Variants in DBNL observed in about 807,000 individuals in gnomAD.
DBNL encodes the protein drebrin-like protein.
Under a neutral mutation model 62.2 loss-of-function variants are expected in DBNL, and 35 were observed. The observed-to-expected ratio is 0.56, with a 90% CI of 0.43 to 0.75. The LOEUF is 0.75. DBNL is among the 30% of genes least tolerant of loss of function. DBNL has a pLI of 0.00. For missense variants in DBNL, 495 were observed against 578.4 expected, an observed-to-expected ratio of 0.86 and a Z score of 1.48; for synonymous variants, 197 against 218.0, an observed-to-expected ratio of 0.90 and a Z score of 0.85.
At position 44,062,110 on chromosome 7, in the gene DBNL, T is replaced by C. The variant is rs187413744; in HGVS notation, c.*1194T>C. 4 of 158,562 alleles carry C rather than the reference T, an allele frequency of 2.5e-5. No homozygotes were observed. The highest frequency in any genetic ancestry group is 5.6e-5 in the Non-Finnish European group (4 of 71,210). 9.8% of individuals were successfully genotyped at this position (158,562 alleles called of 1,614,324 possible). A position where few individuals can be genotyped will look rare whatever the true frequency, so the allele number is the denominator to read the frequency against. On this transcript the variant is annotated 3_prime_UTR_variant, in exon 13 of 13. Coordinates refer to ENST00000448521, the MANE Select transcript of DBNL (RefSeq NM_001014436.3). ...AGACTGCTAGGCGGTTGACTCAAGG[T>C]GTTACCTGCTAGTGCCTGGGGTGAA... is the stretch of plus-strand genomic sequence containing the variant.
At position 44,066,010 on chromosome 7, in the gene DBNL, AGAG is replaced by A. The variant is rs1158099701; in HGVS notation, c.*5101_*5103del. On this transcript the variant is annotated 3_prime_UTR_variant, in exon 13 of 13. Transcript: ENST00000448521. Reference sequence around the variant, plus strand: ...GGCTAGGAGGCGGCCCTCAGCAGGCAGAGGAGGAGAGCCAGAGGAGCTGGTGCA... The same window carrying A: ...GGCTAGGAGGCGGCCCTCAGCAGGCAGAGGAGAGCCAGAGGAGCTGGTGCA... 3 of 269,804 alleles carry A rather than the reference AGAG, an allele frequency of 1.1e-5. No homozygotes were observed. The highest frequency in any genetic ancestry group is 2.2e-5 in the African/African-American group (1 of 45,708). The allele number at this position is 269,804 out of a possible 1,614,324, so 16.7% of individuals were successfully genotyped here. A position where few individuals can be genotyped will look rare whatever the true frequency, so the allele number is the denominator to read the frequency against.
rs771491870 is a variant in DBNL, at chr7:44,044,769, C to G, written c.32C>G (p.Ala11Gly). Residue 11 changes from alanine (A) to glycine (G), a missense_variant, in exon 1 of 13, where the codon GCG becomes GGG. Transcript: ENST00000448521. MAANLSRNGP[A>G]LQEAYVRVVT... Reference sequence around the variant, plus strand: ...GCGAACCTGAGCCGGAACGGGCCAGCGCTGCAAGAGGCCTACGTGCGGGTG... The same window carrying G: ...GCGAACCTGAGCCGGAACGGGCCAGGGCTGCAAGAGGCCTACGTGCGGGTG... 8 of 1,507,486 alleles carry G rather than the reference C, an allele frequency of 5.3e-6. No homozygotes were observed. The South Asian group carries it at 9.8e-5, about 19-fold the overall frequency. 93.4% of individuals were successfully genotyped at this position (1,507,486 alleles called of 1,614,324 possible).
intron 4 of DBNL, among the ~76,000 whole-genome samples, chr7:44,056,327 G>A (rs2096136196): frequency 6.6e-6 from 1 of 152,206 alleles, no homozygotes; most frequent in Non-Finnish European, 1.5e-5. Flanking sequence ...AAATCAGGTA[G>A]CATGAAGCCT....
In DBNL at chr7:44,062,078, G is replaced by A; in HGVS notation, c.*1162G>A. ...TAGGTCCCTCCTGTGCCCCAGAGCT[G>A]CTAGGCAGACTGCTAGGCGGTTGAC... is the stretch of plus-strand genomic sequence containing the variant. On this transcript the variant is annotated 3_prime_UTR_variant, in exon 13 of 13. Coordinates refer to ENST00000448521, the MANE Select transcript of DBNL (RefSeq NM_001014436.3). The A allele has an allele frequency of 6.4e-6, 1 of 156,158 alleles. No homozygotes were observed. Among genetic ancestry groups the A allele is most frequent in the Non-Finnish European group, 1.4e-5 (1 of 70,254 alleles). 9.7% of individuals were successfully genotyped at this position (156,158 alleles called of 1,614,324 possible). A position where few individuals can be genotyped will look rare whatever the true frequency, so the allele number is the denominator to read the frequency against.
Position 44,056,104 on chromosome 7 carries a change from TGAA to T in DBNL, c.328-650_328-648del, listed in dbSNP as rs577368706. Among the ~76,000 whole-genome samples, 250 of 152,356 alleles carry T rather than the reference TGAA, an allele frequency of 1.6e-3. 2 individuals are homozygous for T. Among genetic ancestry groups the T allele is most frequent in the Non-Finnish European group, 3.0e-3 (203 of 68,034 alleles). On this transcript the variant is annotated intron_variant, in intron 4 of 12. Transcript: ENST00000448521. ...AGTTTTTTTTTAATATGGTAAAAGA[TGAA>T]GATTTAGTTTCATTCTTCTGCATAT... is the stretch of plus-strand genomic sequence containing the variant.
At chr7:44,050,166 G>A (rs761016070) in intron 1 of DBNL, 59 bp from the exon 2 acceptor site, 57 of 1,577,732 alleles carry the variant, frequency 3.6e-5, no homozygotes, top group East Asian at 4.5e-5. Context: ...TGGTGGATAC[G>A]GTGAGGAGAG....
At position 44,063,029 on chromosome 7, in the gene DBNL, T is replaced by G; in HGVS notation, c.*2113T>G. 1 of 1,281,766 alleles carries G rather than the reference T, an allele frequency of 7.8e-7. No homozygotes were observed. Among genetic ancestry groups the G allele is most frequent in the African/African-American group, 1.5e-5 (1 of 68,612 alleles). 79.4% of individuals were successfully genotyped at this position (1,281,766 alleles called of 1,614,324 possible). On this transcript the variant is annotated 3_prime_UTR_variant, in exon 13 of 13. Coordinates refer to ENST00000448521, the MANE Select transcript of DBNL (RefSeq NM_001014436.3). The stretch of plus-strand genomic sequence containing the variant: ...TTATGGTCCACAGAGCCAGTTCCCC[T>G]GGCACCAATTCCTTCCCAGCCCTGA...
Position 44,064,793 on chromosome 7 carries a change from G to GGCCCCCCCCCCAC in DBNL, c.*3877_*3878insGCCCCCCCCCCAC. On this transcript the variant is annotated 3_prime_UTR_variant, in exon 13 of 13. Coordinates refer to ENST00000448521, the MANE Select transcript of DBNL (RefSeq NM_001014436.3). Reference sequence around the variant, plus strand: ...AGATGAGAAGCCAGCTGGGGCTGCTGCCCACCCACCCTGCCCAGGCTCCTG... The same window carrying GGCCCCCCCCCCAC: ...AGATGAGAAGCCAGCTGGGGCTGCTGGCCCCCCCCCCACCCCACCCACCCTGCCCAGGCTCCTG... 2.6e-6 allele frequency: 3 copies of GGCCCCCCCCCCAC among 1,136,974 alleles called. No individual in the cohort carries two copies. The highest frequency in any genetic ancestry group is 3.9e-6 in the Non-Finnish European group (3 of 773,394). The allele number at this position is 1,136,974 out of a possible 1,614,324, so 70.4% of individuals were successfully genotyped here. A position where few individuals can be genotyped will look rare whatever the true frequency, so the allele number is the denominator to read the frequency against.
chr7:44,053,033 C>A, intron 4 of DBNL, 92 bp downstream of exon 4: 1 of 1,489,190 alleles, frequency 6.7e-7, no homozygotes, highest in Non-Finnish European at 9.1e-7. Flanking sequence ...GGAATCAGAA[C>A]TGGAGTTGGG....
In DBNL at chr7:44,059,418, G is replaced by A. The variant is rs1292212374; in HGVS notation, c.900G>A (p.Glu300=). The A allele has an allele frequency of 2.5e-6, 4 of 1,614,122 alleles. No homozygotes were observed. The highest frequency in any genetic ancestry group is 1.3e-5 in the African/African-American group (1 of 75,054). ...LTQPETHFGR[E]PAAAISRPRA... ...AACCAGAGACCCACTTTGGCAGAGA[G>A]CCAGCTGCTGCCATCTCAAGGCCCA... The change falls in exon 10 of 13, where the codon GAG becomes GAA. Residue 300 remains glutamate, a synonymous_variant. Coordinates refer to ENST00000448521, the MANE Select transcript of DBNL (RefSeq NM_001014436.3). The surrounding 1 kb of genome is among the most constrained non-coding windows in gnomAD (Gnocchi z 4.1).
rs752801449 is a variant in DBNL, at chr7:44,057,851, A to G, written c.544A>G (p.Lys182Glu). The change falls in exon 6 of 13, where the codon AAA becomes GAA. Residue 182 changes from lysine (K) to glutamate (E), a missense_variant. By Grantham distance (56) the Lys-to-Glu change is moderately conservative. Coordinates refer to ENST00000448521, the MANE Select transcript of DBNL (RefSeq NM_001014436.3). The stretch of plus-strand genomic sequence containing the variant: ...GGTTGGTAAAGACAGCTTCTGGGCC[A>G]AAGCAGAGGTGAGTGCTGCCCCGGG... ...KRVGKDSFWA[K>E]AEKEEENRRL... 5 of 1,614,200 alleles carry G rather than the reference A, an allele frequency of 3.1e-6. No homozygotes were observed. Among genetic ancestry groups the G allele is most frequent in the Non-Finnish European group, 4.2e-6 (5 of 1,180,034 alleles).
rs1231913641 is a variant in DBNL at position 44,063,024 on chromosome 7, T to C, written c.*2108T>C. 7.4e-7 allele frequency: 1 copy of C among 1,342,372 alleles called. No homozygotes were observed. Among genetic ancestry groups the C allele is most frequent in the Non-Finnish European group, 1.1e-6 (1 of 936,000 alleles). The allele number at this position is 1,342,372 out of a possible 1,614,324, so 83.2% of individuals were successfully genotyped here. ...GACCTTTATGGTCCACAGAGCCAGT[T>C]CCCCTGGCACCAATTCCTTCCCAGC... On this transcript the variant is annotated 3_prime_UTR_variant, in exon 13 of 13. Transcript: ENST00000448521.
rs6463215 is a variant in DBNL at position 44,063,264 on chromosome 7, T to A, written c.*2348T>A. On this transcript the variant is annotated 3_prime_UTR_variant, in exon 13 of 13. Coordinates refer to ENST00000448521, the MANE Select transcript of DBNL (RefSeq NM_001014436.3). ...GTCAGGAAGGGACACTCACCCTTTG[T>A]TTTTTTTTTTTCTTTTCTTTTTCTT... 3.4e-6 allele frequency: 1 copy of A among 294,296 alleles called. No individual in the cohort carries two copies. Among genetic ancestry groups the A allele is most frequent in the East Asian group, 8.1e-5 (1 of 12,336 alleles). 18.2% of individuals were successfully genotyped at this position (294,296 alleles called of 1,614,324 possible).
intron 1 of DBNL, among the ~76,000 whole-genome samples, chr7:44,049,170 T>A (rs2096122182): frequency 6.6e-6 from 1 of 152,130 alleles, no homozygotes; most frequent in Non-Finnish European, 1.5e-5. Flanking sequence ...TCTGTTCTTT[T>A]TTTTGAGATG....
At position 44,064,794 on chromosome 7, in the gene DBNL, CCCA is replaced by C; in HGVS notation, c.*3881_*3883del. 1 of 526,668 alleles carries C rather than the reference CCCA, an allele frequency of 1.9e-6. No individual in the cohort carries two copies. 32.6% of individuals were successfully genotyped at this position (526,668 alleles called of 1,614,324 possible). On this transcript the variant is annotated 3_prime_UTR_variant, in exon 13 of 13. Transcript: ENST00000448521. ...GATGAGAAGCCAGCTGGGGCTGCTG[CCCA>C]CCCACCCTGCCCAGGCTCCTGAAGG...
intron 8 of DBNL, 145 bp downstream of exon 8, chr7:44,058,625 G>T (rs544054063): frequency 7.7e-6 from 9 of 1,167,254 alleles, no homozygotes; most frequent in Admixed American, 4.8e-5. Flanking sequence ...ACCTCAAGAG[G>T]TGGCAGTAGA....
rs371897495 is a variant in DBNL at position 44,052,872 on chromosome 7, C to A, written c.258C>A (p.Gly86=). Residue 86 remains glycine, a synonymous_variant, in exon 4 of 13, where the codon GGC becomes GGA. Transcript: ENST00000448521. ...LPKFVLINWT[G]EGVNDVRKGA... is the part of the protein sequence containing the mutation. ...TGGGCATCCTTGTGTTGCAGACAGGCGAGGGCGTGAACGATGTGCGGAAGG... is the reference window on the plus strand; with the variant it reads ...TGGGCATCCTTGTGTTGCAGACAGGAGAGGGCGTGAACGATGTGCGGAAGG... 20 of 1,613,628 alleles carry A rather than the reference C, an allele frequency of 1.2e-5. No homozygotes were observed. The highest frequency in any genetic ancestry group is 1.6e-5 in the Non-Finnish European group (19 of 1,179,986).
rs1202775310 is a variant in DBNL at position 44,044,703 on chromosome 7, G to A, written c.-35G>A. 2.7e-6 allele frequency: 4 copies of A among 1,455,108 alleles called. No individual in the cohort carries two copies. Among genetic ancestry groups the A allele is most frequent in the Admixed American group, 2.6e-5 (1 of 39,000 alleles). 90.1% of individuals were successfully genotyped at this position (1,455,108 alleles called of 1,614,324 possible). On this transcript the variant is annotated 5_prime_UTR_variant, in exon 1 of 13. Coordinates refer to ENST00000448521, the MANE Select transcript of DBNL (RefSeq NM_001014436.3). ...AGGGGCGGCCCGGCCCGGCCCGGAA[G>A]CTACAGCAGCGGCGCGGAGACTGCG...
chr7:44,059,055 TC>T lies in DBNL; in HGVS notation c.835+77del. On this transcript the variant is annotated intron_variant, in intron 9 of 12. Transcript: ENST00000448521. The surrounding 1 kb of genome is among the most constrained non-coding windows in gnomAD (Gnocchi z 4.1). ...GGGGAGCCTGGGGTCCTATGTGGGC[TC>T]CCCCAAGGCTAGTGACAGATATATC... 6.6e-7 allele frequency: 1 copy of T among 1,519,414 alleles called. No individual in the cohort carries two copies. The highest frequency in any genetic ancestry group is 9.1e-7 in the Non-Finnish European group (1 of 1,099,776). The allele number at this position is 1,519,414 out of a possible 1,614,324, so 94.1% of individuals were successfully genotyped here.
Sources: allele counts gnomAD v4.1 joint callset (sites outside exome capture counted in the v4.1 genomes callset), GRCh38; gene constraint gnomAD v4.1.1; non-coding constraint Gnocchi (gnomAD v3.1); transcripts MANE v1.5; gene names NCBI Gene and HGNC (gene_info 2026-07-23, HGNC 2026-07-21).